LRRK2: variants seen among roughly 807,000 people sequenced by gnomAD.
LRRK2 encodes leucine-rich repeat serine/threonine-protein kinase 2.
Under a neutral mutation model 302.6 loss-of-function variants are expected in LRRK2, and 203 were observed. The observed-to-expected ratio is 0.67, with a 90% CI of 0.60 to 0.75. The LOEUF is 0.75. Ranked by LOEUF, LRRK2 falls within the 30% of genes least tolerant of loss-of-function variation. The pLI, the probability that LRRK2 is intolerant of heterozygous loss-of-function variation, is 0.00. For missense variants in LRRK2, 2,830 were observed against 2,951.0 expected, an observed-to-expected ratio of 0.96 and a Z score of 0.95; for synonymous variants, 1,066 against 1,031.9, an observed-to-expected ratio of 1.03 and a Z score of -0.63.
chr12:40,349,832 TTC>T (rs1946301230), intron 43 of LRRK2, among the ~76,000 whole-genome samples: 1 of 152,218 alleles, frequency 6.6e-6, no homozygotes, highest in South Asian at 2.1e-4. Flanking sequence ...ATGGCATGAA[TTC>T]TCTCTGTTTA....
chr12:40,225,364 C>A, intron 1 of LRRK2, 82 bp downstream of exon 1: 1 of 1,520,318 alleles, frequency 6.6e-7, no homozygotes, highest in African/African-American at 1.4e-5. Context: ...GTCCTCCTCC[C>A]CTTGACCCTG....
At chr12:40,232,662 A>T in intron 3 of LRRK2, 1 of 247,146 alleles carries the variant, frequency 4.0e-6, no homozygotes, top group Non-Finnish European at 7.7e-6. Context: ...ATTTTTGATG[A>T]GTACTTTTGA....
chr12:40,275,045 T>C (rs1367577723), intron 16 of LRRK2, 52 bp downstream of exon 16: 1 of 1,605,050 alleles, frequency 6.2e-7, no homozygotes. Context: ...ATTTCACTTT[T>C]GGAGCAGTTT....
chr12:40,348,666 G>A (rs1283565699), intron 43 of LRRK2, among the ~76,000 whole-genome samples, 157 bp downstream of exon 43: 1 of 151,840 alleles, frequency 6.6e-6, no homozygotes, highest in African/African-American at 2.4e-5. Context: ...CACCATCCCA[G>A]GCACAAAAAA....
At chr12:40,307,054 A>G (rs1565735843) in intron 28 of LRRK2, among the ~76,000 whole-genome samples, 1 of 151,038 alleles carries the variant, frequency 6.6e-6, no homozygotes, top group Admixed American at 6.6e-5. Context: ...TTAATATTTA[A>G]TATTTAATTT....
intron 42 of LRRK2, 27 bp downstream of exon 42, chr12:40,346,950 G>C: frequency 6.3e-7 from 1 of 1,586,100 alleles, no homozygotes; most frequent in Non-Finnish European, 8.6e-7. Flanking sequence ...CTACAATGAA[G>C]ATTTTTTTTC....
In LRRK2 at chr12:40,278,191, T is replaced by C. The variant is rs1023041271; in HGVS notation, c.2171T>C (p.Met724Thr). Residue 724 changes from methionine (M) to threonine (T), a missense_variant, in exon 18 of 51, where the codon ATG becomes ACG. This residue lies in a region of LRRK2 where 2,121 missense variants were observed against 2,148.0 expected (regional missense o/e 0.99). Transcript: ENST00000298910. ...ERACDQNNSI[M>T]VECLLLLGAD... ...GCGTGTGATCAGAATAACAGCATCA[T>C]GGTTGAATGCTTGCTTCTATTGGGA... 1.2e-6 allele frequency: 2 copies of C among 1,614,052 alleles called. No homozygotes were observed. The highest frequency in any genetic ancestry group is 1.1e-5 in the South Asian group (1 of 91,080).
intron 33 of LRRK2, among the ~76,000 whole-genome samples, 154 bp from the exon 34 acceptor site, chr12:40,319,834 A>G (rs1161005116): frequency 6.6e-6 from 1 of 151,738 alleles, no homozygotes; most frequent in Admixed American, 6.6e-5. Flanking sequence ...CTTCTAGGCC[A>G]CATGGTTGCT....
intron 28 of LRRK2, among the ~76,000 whole-genome samples, chr12:40,307,921 A>T (rs1944886685): frequency 6.6e-6 from 1 of 151,260 alleles, no homozygotes; most frequent in Non-Finnish European, 1.5e-5. Context: ...AGCTGGAATT[A>T]CAGGCACCTG....
At chr12:40,299,843 G>GGTC (rs1944555250) in intron 25 of LRRK2, among the ~76,000 whole-genome samples, 1 of 152,102 alleles carries the variant, frequency 6.6e-6, no homozygotes, top group South Asian at 2.1e-4. Context: ...TGGTGGTGGT[G>GGTC]AGGGAAGAAG....
intron 9 of LRRK2, 45 bp from the exon 10 acceptor site, chr12:40,251,420 A>G (rs1942265274): frequency 6.2e-7 from 1 of 1,612,798 alleles, no homozygotes. Flanking sequence ...TATGTTTTCC[A>G]GTCATTTATA....
At chr12:40,310,022 C>T (rs527432883) in intron 30 of LRRK2, among the ~76,000 whole-genome samples, 20 of 151,902 alleles carry the variant, frequency 1.3e-4, no homozygotes, top group African/African-American at 2.7e-4. Flanking sequence ...GACTTTAAAA[C>T]GAATTTAGAA....
chr12:40,289,549 A>C (rs973613126), intron 20 of LRRK2, among the ~76,000 whole-genome samples: 1 of 149,006 alleles, frequency 6.7e-6, no homozygotes, highest in African/African-American at 2.4e-5. Flanking sequence ...TACATAAATA[A>C]TAATTTATAT....
chr12:40,257,110 C>G (rs1305333121), intron 11 of LRRK2, 138 bp from the exon 12 acceptor site: 2 of 660,918 alleles, frequency 3.0e-6, no homozygotes, highest in Non-Finnish European at 5.0e-6. Context: ...TATCTTTAAG[C>G]TGTCAATGAA....
intron 19 of LRRK2, among the ~76,000 whole-genome samples, chr12:40,286,036 T>C (rs541772810): frequency 6.6e-6 from 1 of 152,104 alleles, no homozygotes; most frequent in Admixed American, 6.6e-5. Context: ...CAATATCCGA[T>C]GGAGAGGAAT....
chr12:40,304,358 C>A, intron 27 of LRRK2: 1 of 582,562 alleles, frequency 1.7e-6, no homozygotes, highest in Non-Finnish European at 3.0e-6. Flanking sequence ...CTCACACCGA[C>A]AATTTAAAAA....
At chr12:40,334,859 A>T (rs1393309176) in intron 39 of LRRK2, 108 bp from the exon 40 acceptor site, 3 of 1,216,940 alleles carry the variant, frequency 2.5e-6, no homozygotes, top group African/African-American at 3.0e-5. Flanking sequence ...GCTATGATCC[A>T]GTCATACAGA....
At position 40,367,840 on chromosome 12, in the gene LRRK2, C is replaced by A; in HGVS notation, c.*75C>A. 1 of 1,461,584 alleles carries A rather than the reference C, an allele frequency of 6.8e-7. No individual in the cohort carries two copies. Among genetic ancestry groups the A allele is most frequent in the Non-Finnish European group, 9.3e-7 (1 of 1,076,242 alleles). 90.5% of individuals were successfully genotyped at this position (1,461,584 alleles called of 1,614,324 possible). A position where few individuals can be genotyped will look rare whatever the true frequency, so the allele number is the denominator to read the frequency against. On this transcript the variant is annotated 3_prime_UTR_variant, in exon 51 of 51. Transcript: ENST00000298910. ...TAAATATTTATTTTAAAAATGTTCACATGGAAAGGGTACTCACATTTTTTG... is the reference window on the plus strand; with the variant it reads ...TAAATATTTATTTTAAAAATGTTCAAATGGAAAGGGTACTCACATTTTTTG...
At chr12:40,296,823 C>A (rs1944403310) in intron 23 of LRRK2, among the ~76,000 whole-genome samples, 1 of 152,040 alleles carries the variant, frequency 6.6e-6, no homozygotes, top group Admixed American at 6.6e-5. Flanking sequence ...CAGCCATGCC[C>A]TAATGTCTAA....
Sources: allele counts gnomAD v4.1 joint callset (sites outside exome capture counted in the v4.1 genomes callset), GRCh38; gene constraint gnomAD v4.1.1; regional missense constraint gnomAD v4.1.1; transcripts MANE v1.5; gene names NCBI Gene and HGNC (gene_info 2026-07-23, HGNC 2026-07-21).